Variants in SPECC1 observed in about 807,000 individuals in gnomAD.
SPECC1 encodes cytospin-B.
A neutral mutation model predicts 104.1 loss-of-function variants in SPECC1; 62 were observed. That is an observed-to-expected ratio of 0.60 (90% CI 0.49 to 0.74). The LOEUF is 0.74. Among genes scored for constraint, SPECC1 ranks in the 30% least tolerant of loss-of-function variants. The pLI is 0.00. For synonymous variants in SPECC1, 513 were observed against 501.6 expected (o/e 1.02, Z -0.30); for missense variants, 1,306 against 1,310.5 (o/e 1.00, Z 0.05).
At chr17:20,037,651 G>C (rs2045146066) in intron 1 of SPECC1, among the ~76,000 whole-genome samples, 1 of 152,142 alleles carries the variant, frequency 6.6e-6, no homozygotes, top group Non-Finnish European at 1.5e-5. Flanking sequence ...ATGCTATGTA[G>C]AGTTGGTGGT....
intron 12 of SPECC1, among the ~76,000 whole-genome samples, chr17:20,262,177 T>C (rs975237331): frequency 9.2e-5 from 14 of 152,380 alleles, no homozygotes; most frequent in Admixed American, 4.6e-4. Context: ...TAACCCATTG[T>C]AGGATTATAC....
At chr17:20,021,662 TATATATATATATAATATAATA>T in intron 1 of SPECC1, among the ~76,000 whole-genome samples, 5 of 143,416 alleles carry the variant, frequency 3.5e-5, no homozygotes, top group African/African-American at 1.3e-4. Flanking sequence ...AAGGCTCTGA[TATATATATATATAATATAATA>T]ATATATATAT....
chr17:20,094,674 CT>C, intron 1 of SPECC1, among the ~76,000 whole-genome samples: 1 of 25,512 alleles, frequency 3.9e-5, no homozygotes, highest in Non-Finnish European at 8.3e-5. Flanking sequence ...ATATCCAGTC[CT>C]TTATTTTTTT....
intron 2 of SPECC1, 135 bp from the exon 3 acceptor site, chr17:20,110,292 A>C (rs960056694): frequency 5.5e-6 from 6 of 1,083,016 alleles, no homozygotes; most frequent in Middle Eastern, 2.5e-4. Context: ...ACTTCACTCT[A>C]TCATGCTACT....
chr17:20,090,596 A>C (rs2047364410), intron 1 of SPECC1, among the ~76,000 whole-genome samples: 1 of 152,016 alleles, frequency 6.6e-6, no homozygotes, highest in South Asian at 2.1e-4. Flanking sequence ...TATTCCAAAA[A>C]AAAAAAAAAA....
intron 1 of SPECC1, among the ~76,000 whole-genome samples, chr17:20,067,670 C>G (rs777714853): frequency 1.3e-5 from 2 of 151,812 alleles, no homozygotes; most frequent in Non-Finnish European, 2.9e-5. Context: ...ATATTTTTAA[C>G]ATTTATAGTA....
chr17:20,273,341 G>T (rs2040468441), intron 12 of SPECC1, among the ~76,000 whole-genome samples: 1 of 152,106 alleles, frequency 6.6e-6, no homozygotes, highest in South Asian at 2.1e-4. Flanking sequence ...AGTGGGGCAT[G>T]GTGGTGCACG....
intron 1 of SPECC1, among the ~76,000 whole-genome samples, chr17:20,059,936 C>T (rs2046122326): frequency 6.6e-6 from 1 of 152,214 alleles, no homozygotes; most frequent in African/African-American, 2.4e-5. Flanking sequence ...TTTCATTCGG[C>T]AGCAAGTTGA....
chr17:20,033,321 C>T (rs186904636), intron 1 of SPECC1, among the ~76,000 whole-genome samples: 2 of 152,176 alleles, frequency 1.3e-5, no homozygotes, highest in Admixed American at 6.5e-5. Context: ...ATTGTAGGAA[C>T]TCTGGGTATT....
chr17:20,110,674 A>G (rs1469212476), intron 3 of SPECC1, 112 bp downstream of exon 3: 12 of 1,282,448 alleles, frequency 9.4e-6, no homozygotes, highest in Middle Eastern at 2.8e-4. Flanking sequence ...TTTCTTGACC[A>G]CTTACCCTGG....
chr17:20,163,735 G>A (rs1254822596), intron 3 of SPECC1, among the ~76,000 whole-genome samples: 1 of 151,866 alleles, frequency 6.6e-6, no homozygotes, highest in Non-Finnish European at 1.5e-5. Context: ...TAATTTTTGT[G>A]TTTTTTATAG....
At chr17:20,220,168 T>A (rs902900516) in intron 4 of SPECC1, among the ~76,000 whole-genome samples, 2 of 152,206 alleles carry the variant, frequency 1.3e-5, no homozygotes, top group African/African-American at 4.8e-5. Context: ...GGGTCTTTTG[T>A]GGTTCCATAT....
intron 3 of SPECC1, among the ~76,000 whole-genome samples, chr17:20,151,773 G>A (rs774917586): frequency 6.6e-6 from 1 of 152,202 alleles, no homozygotes; most frequent in Non-Finnish European, 1.5e-5. Flanking sequence ...CCATGGCTGG[G>A]CATGGTGGCT....
intron 9 of SPECC1, 149 bp from the exon 10 acceptor site, chr17:20,253,356 C>G (rs1225811176): frequency 6.1e-6 from 4 of 651,036 alleles, no homozygotes; most frequent in Non-Finnish European, 1.0e-5. Context: ...ATTACCTATT[C>G]AAATAAATGA....
At chr17:20,031,147 A>G (rs748943427) in intron 1 of SPECC1, among the ~76,000 whole-genome samples, 5 of 151,982 alleles carry the variant, frequency 3.3e-5, no homozygotes, top group Non-Finnish European at 7.4e-5. Flanking sequence ...AGTATATGCC[A>G]CCATGCCTGG....
intron 3 of SPECC1, among the ~76,000 whole-genome samples, chr17:20,185,522 C>T (rs1011950409): frequency 6.6e-6 from 1 of 152,186 alleles, no homozygotes; most frequent in Non-Finnish European, 1.5e-5. Context: ...GAGCCACCTC[C>T]TAGTGTCTAT....
In SPECC1 at chr17:20,022,867, G is replaced by T. The variant is rs2044449074; in HGVS notation, c.-22+13443G>T. 1.3e-5 allele frequency among the ~76,000 whole-genome samples: 2 copies of T among 152,218 alleles called. 1 individual carries two copies. The highest frequency in any genetic ancestry group is 2.9e-5 in the Non-Finnish European group (2 of 68,046). On this transcript the variant is annotated intron_variant, in intron 1 of 14. Transcript: ENST00000395527. ...TTATGGAGTGGGTGGACTCGGCATT[G>T]AGAACACAGTAGTAGCTGCTGCATC...
Position 20,136,143 on chromosome 17 carries a change from G to A in SPECC1, c.283+25581G>A, listed in dbSNP as rs552686696. On this transcript the variant is annotated intron_variant, in intron 3 of 14. Coordinates refer to ENST00000395527, the MANE Select transcript of SPECC1 (RefSeq NM_001243439.2). ...CTCCTTGCAAACCATTGCACTGGGCGCGGTGGCTCACACTTCTCACACTTG... is the reference window on the plus strand; with the variant it reads ...CTCCTTGCAAACCATTGCACTGGGCACGGTGGCTCACACTTCTCACACTTG... Among the ~76,000 whole-genome samples, 21 of 152,166 alleles carry A rather than the reference G, an allele frequency of 1.4e-4. No homozygotes were observed. In the East Asian group the frequency reaches 3.5e-3, roughly 25 times the overall value.
intron 2 of SPECC1, among the ~76,000 whole-genome samples, chr17:20,107,170 GAAAA>G (rs1262080810): frequency 2.0e-5 from 2 of 101,446 alleles, no homozygotes; most frequent in Non-Finnish European, 4.0e-5. Flanking sequence ...AAAAAAAAAA[GAAAA>G]GAAAAACAAA....
Sources: gnomAD v4.1 joint callset for allele counts (sites outside exome capture counted in the v4.1 genomes callset) on GRCh38, gnomAD v4.1.1 for gene constraint, MANE v1.5 for transcripts, NCBI Gene and HGNC (gene_info 2026-07-23, HGNC 2026-07-21) for gene names.